CALN1: variants seen among roughly 807,000 people sequenced by gnomAD.
CALN1 encodes the protein calcium-binding protein 8.
CALN1 carries 17 observed loss-of-function variants against 30.6 expected under a neutral mutation model. That is an observed-to-expected ratio of 0.56 (90% CI 0.38 to 0.83). The LOEUF is 0.83. CALN1 is among the 40% of genes least tolerant of loss of function. The pLI, the probability that CALN1 is intolerant of heterozygous loss-of-function variation, is 0.00. For synonymous variants in CALN1, 156 were observed against 131.4 expected, an observed-to-expected ratio of 1.19 and a Z score of -1.28; for missense variants, 291 against 354.9, an observed-to-expected ratio of 0.82 and a Z score of 1.45.
chr7:71,861,612 GA>G (rs55651519), intron 5 of CALN1, among the ~76,000 whole-genome samples: 16,767 of 148,620 alleles, frequency 0.11, 1,396 homozygotes, highest in East Asian at 0.46. Context: ...CTGTGACTAC[GA>G]AAAAAAAAAT....
intron 2 of CALN1, among the ~76,000 whole-genome samples, chr7:72,399,811 C>T (rs1019518917): frequency 4.6e-5 from 7 of 152,128 alleles, no homozygotes; most frequent in African/African-American, 1.7e-4. Context: ...GAGATGGGGC[C>T]TAGTGGGAGG....
chr7:72,058,310 CT>C (rs3065011), intron 4 of CALN1, among the ~76,000 whole-genome samples: 2,561 of 70,680 alleles, frequency 0.036, 31 homozygotes, highest in African/African-American at 0.13. Context: ...AAGCTGGAAT[CT>C]TTTTTTTTTT....
chr7:71,971,991 A>AAGAAAGAAAGAAAGAAAGAG (rs1562946821), intron 5 of CALN1, among the ~76,000 whole-genome samples: 1 of 129,016 alleles, frequency 7.8e-6, no homozygotes, highest in Non-Finnish European at 1.6e-5. Context: ...GAAAGAAAGA[A>AAGAAAGAAAGAAAGAAAGAG]AGAGAAAGAA....
chr7:72,325,722 G>A (rs924439645), intron 2 of CALN1, among the ~76,000 whole-genome samples: 4 of 152,152 alleles, frequency 2.6e-5, no homozygotes, highest in Admixed American at 1.3e-4. Flanking sequence ...GTCTTGGCAG[G>A]AAAAGAAAAC....
intron 3 of CALN1, among the ~76,000 whole-genome samples, chr7:72,140,500 T>A (rs943016084): frequency 1.2e-4 from 18 of 152,242 alleles, no homozygotes; most frequent in Non-Finnish European, 2.5e-4. Context: ...TGAGACCCAC[T>A]CAGAGGAAAT....
intron 3 of CALN1, among the ~76,000 whole-genome samples, chr7:72,125,330 A>G (rs917932008): frequency 1.3e-5 from 2 of 152,130 alleles, no homozygotes; most frequent in African/African-American, 2.4e-5. Context: ...TGTTTTATCT[A>G]TCAGATGCAA....
upstream of CALN1, among the ~76,000 whole-genome samples, chr7:72,414,194 ATGCTGGAG>A (rs1387189752): frequency 1.3e-5 from 2 of 152,120 alleles, no homozygotes; most frequent in African/African-American, 4.8e-5. Flanking sequence ...CAAGAGACCC[ATGCTGGAG>A]CCAGAGGCCC....
intron 5 of CALN1, among the ~76,000 whole-genome samples, chr7:71,926,594 A>G (rs776235536): frequency 6.6e-6 from 1 of 152,056 alleles, no homozygotes. Context: ...GTCTGTCCCT[A>G]TCTCTTTCTA....
At chr7:72,326,864 G>A (rs1326608317) in intron 2 of CALN1, among the ~76,000 whole-genome samples, 1 of 152,158 alleles carries the variant, frequency 6.6e-6, no homozygotes, top group African/African-American at 2.4e-5. Flanking sequence ...CAGTCTCTCT[G>A]ACTGAGTCTC....
chr7:72,082,488 G>A (rs1047088587), intron 4 of CALN1, among the ~76,000 whole-genome samples: 7 of 152,154 alleles, frequency 4.6e-5, no homozygotes, highest in Non-Finnish European at 1.5e-5. Flanking sequence ...TCCTGCACCT[G>A]CTCTTTGAGG....
At chr7:72,235,624 G>C (rs141095820) in intron 3 of CALN1, among the ~76,000 whole-genome samples, 3 of 152,070 alleles carry the variant, frequency 2.0e-5, no homozygotes, top group East Asian at 3.9e-4. Flanking sequence ...ATTCCACTCC[G>C]GGGACCTGGC....
chr7:72,219,712 A>AAG (rs1170224817), intron 3 of CALN1, among the ~76,000 whole-genome samples: 53 of 152,032 alleles, frequency 3.5e-4, no homozygotes, highest in African/African-American at 1.2e-3. Flanking sequence ...ACACACACGC[A>AAG]CGTGCACACA....
intron 3 of CALN1, among the ~76,000 whole-genome samples, chr7:72,211,236 T>C (rs1001872096): frequency 1.3e-5 from 2 of 152,134 alleles, no homozygotes; most frequent in Non-Finnish European, 2.9e-5. Flanking sequence ...CTCTTTTCCC[T>C]TCCTTTCCAG....
chr7:72,172,823 C>T (rs1227591768), intron 3 of CALN1, among the ~76,000 whole-genome samples: 1 of 152,106 alleles, frequency 6.6e-6, no homozygotes, highest in African/African-American at 2.4e-5. Flanking sequence ...ATATGAAAGA[C>T]CTGTATCTCA....
intron 2 of CALN1, among the ~76,000 whole-genome samples, chr7:72,300,237 G>A (rs1212477466): frequency 1.3e-5 from 2 of 152,024 alleles, no homozygotes; most frequent in African/African-American, 4.8e-5. Flanking sequence ...ATACTTCATA[G>A]CAATTGAAAC....
chr7:71,919,996 G>A (rs931274624), intron 5 of CALN1, among the ~76,000 whole-genome samples: 3 of 152,206 alleles, frequency 2.0e-5, no homozygotes, highest in Non-Finnish European at 4.4e-5. Flanking sequence ...GTCATAAAAT[G>A]TCTGCAGAGT....
At chr7:72,027,523 C>A (rs1447119880) in intron 4 of CALN1, among the ~76,000 whole-genome samples, 1 of 151,320 alleles carries the variant, frequency 6.6e-6, no homozygotes. Flanking sequence ...CCAGCTTGGG[C>A]AACATGGTGA....
chr7:71,883,871 C>T (rs976866856), intron 5 of CALN1, among the ~76,000 whole-genome samples: 1 of 152,148 alleles, frequency 6.6e-6, no homozygotes, highest in Admixed American at 6.5e-5. Context: ...TTATATGTCT[C>T]CATTAAATGT....
chr7:72,073,056 T>A lies in CALN1; in HGVS notation c.388+33095A>T, dbSNP rs114819339. On this transcript the variant is annotated intron_variant, in intron 4 of 6. Transcript: ENST00000395275. ...AATGACAGAAGTAATTACCTACTTA[T>A]CAGTCAATCTAAAAAAGGAAGGAAA... is the stretch of plus-strand genomic sequence containing the variant. Among the ~76,000 whole-genome samples the A allele has an allele frequency of 3.5e-3, 526 of 152,304 alleles. 6 individuals carry two copies. Among genetic ancestry groups the A allele is most frequent in the African/African-American group, 0.012 (502 of 41,566 alleles).
Sources: allele counts gnomAD v4.1 joint callset (sites outside exome capture counted in the v4.1 genomes callset), GRCh38; gene constraint gnomAD v4.1.1; transcripts MANE v1.5; gene names NCBI Gene and HGNC (gene_info 2026-07-23, HGNC 2026-07-21).